The following CTXND1 variants were observed in gnomAD, a reference collection of about 807,000 sequenced individuals.
CTXND1 encodes cortexin domain containing 1.
chr15:80,233,721 G>C (rs1048965677), intron 1 of CTXND1, among the ~76,000 whole-genome samples: 2 of 152,176 alleles, frequency 1.3e-5, no homozygotes, highest in African/African-American at 4.8e-5. Context: ...GACAAACAAA[G>C]GCAACCTGCA....
intron 1 of CTXND1, among the ~76,000 whole-genome samples, chr15:80,204,207 C>CAGATAT (rs199817313): frequency 1.9e-5 from 1 of 52,876 alleles, no homozygotes; most frequent in Non-Finnish European, 3.4e-5. Flanking sequence ...TATACACAAA[C>CAGATAT]ACATACACAC....
At position 80,198,098 on chromosome 15, in the gene CTXND1, C is replaced by G. The variant is rs1419685950; in HGVS notation, c.*3672G>C. On this transcript the variant is annotated 3_prime_UTR_variant, in exon 3 of 3. Transcript: ENST00000560778. ...TTGGTTCTGCATATTTCTGCTACCC[C>G]ACTTGTCTCTGGGACTGTTGGCCCC... The G allele has an allele frequency of 6.6e-6, 1 of 152,222 alleles. No individual in the cohort carries two copies. Among genetic ancestry groups the G allele is most frequent in the Admixed American group, 6.5e-5 (1 of 15,280 alleles). The allele number at this position is 152,222 out of a possible 1,614,324, so 9.4% of individuals were successfully genotyped here.
intron 1 of CTXND1, among the ~76,000 whole-genome samples, chr15:80,218,402 G>T (rs1437127540): frequency 6.6e-6 from 1 of 152,154 alleles, no homozygotes; most frequent in Admixed American, 6.5e-5. Context: ...GCCTCCTAAA[G>T]TGCTGGGATT....
At chr15:80,212,888 A>C (rs1237711906) in intron 1 of CTXND1, among the ~76,000 whole-genome samples, 1 of 152,220 alleles carries the variant, frequency 6.6e-6, no homozygotes, top group African/African-American at 2.4e-5. Flanking sequence ...AAAAGGGAGG[A>C]TGACTCTGAG....
intron 1 of CTXND1, among the ~76,000 whole-genome samples, chr15:80,223,138 G>C (rs1265487601): frequency 6.6e-6 from 1 of 152,052 alleles, no homozygotes; most frequent in Non-Finnish European, 1.5e-5. Context: ...GAATCCAATG[G>C]CGCGCTCTCG....
At chr15:80,240,863 A>G (rs545295293) in intron 1 of CTXND1, among the ~76,000 whole-genome samples, 58 of 152,244 alleles carry the variant, frequency 3.8e-4, no homozygotes, top group African/African-American at 1.3e-3. Context: ...AAGCATCCGG[A>G]TATCCTGGTA....
At chr15:80,220,912 A>ATT (rs68162303) in intron 1 of CTXND1, among the ~76,000 whole-genome samples, 2 of 141,616 alleles carry the variant, frequency 1.4e-5, no homozygotes, top group South Asian at 2.3e-4. Flanking sequence ...TATTATTATT[A>ATT]TTTTTTTTTT....
Position 80,231,672 on chromosome 15 carries a change from T to C in CTXND1, c.-218+20335A>G, listed in dbSNP as rs775864127. ...GGACTATTCCTGTGGCCTTTTTTTC[T>C]ACATGCCTCCTGTAACAGTCTGATC... is the stretch of plus-strand genomic sequence containing the variant. On this transcript the variant is annotated intron_variant, in intron 1 of 2. Coordinates refer to ENST00000560778, the MANE Select transcript of CTXND1 (RefSeq NM_001352888.2). 3.3e-5 allele frequency among the ~76,000 whole-genome samples: 5 copies of C among 152,332 alleles called. No individual in the cohort carries two copies. The South Asian group carries it at 6.2e-4, about 19-fold the overall frequency.
At chr15:80,214,342 T>C (rs991484963) in intron 1 of CTXND1, among the ~76,000 whole-genome samples, 5 of 152,180 alleles carry the variant, frequency 3.3e-5, no homozygotes, top group Non-Finnish European at 7.4e-5. Context: ...GCTGAATAAA[T>C]GTTTTTATTA....
At chr15:80,238,419 A>G (rs1160375636) in intron 1 of CTXND1, among the ~76,000 whole-genome samples, 1 of 151,922 alleles carries the variant, frequency 6.6e-6, no homozygotes, top group Non-Finnish European at 1.5e-5. Flanking sequence ...TTAAACATGT[A>G]GAAACCATTC....
chr15:80,244,880 A>G (rs1325986593), intron 1 of CTXND1, among the ~76,000 whole-genome samples: 1 of 152,146 alleles, frequency 6.6e-6, no homozygotes, highest in African/African-American at 2.4e-5. Context: ...GCATTCCAAC[A>G]GCCTCCAGTG....
intron 1 of CTXND1, among the ~76,000 whole-genome samples, chr15:80,240,539 T>C (rs1423715786): frequency 6.6e-6 from 1 of 152,184 alleles, no homozygotes; most frequent in Non-Finnish European, 1.5e-5. Flanking sequence ...AATAAAAAGC[T>C]GTTAGCAATG....
chr15:80,237,291 C>T (rs139981347), intron 1 of CTXND1, among the ~76,000 whole-genome samples: 476 of 145,190 alleles, frequency 3.3e-3, no homozygotes, highest in Non-Finnish European at 5.5e-3. Flanking sequence ...GCCAAGATCG[C>T]GCCACTGCAC....
intron 1 of CTXND1, among the ~76,000 whole-genome samples, chr15:80,231,175 G>A (rs1184903069): frequency 1.3e-5 from 2 of 151,338 alleles, no homozygotes; most frequent in African/African-American, 2.4e-5. Flanking sequence ...GAGCCTGACC[G>A]CTGCTTCTCT....
In CTXND1 at chr15:80,195,998, A is replaced by T. The variant is rs1363606310; in HGVS notation, c.*5772T>A. On this transcript the variant is annotated 3_prime_UTR_variant, in exon 3 of 3. Transcript: ENST00000560778. ...AGAAAGAGATCACTGCACTGTCAGGATGGTTAACCCCAATATCCAAGGGAA... is the reference window on the plus strand; with the variant it reads ...AGAAAGAGATCACTGCACTGTCAGGTTGGTTAACCCCAATATCCAAGGGAA... The T allele has an allele frequency of 6.6e-6, 1 of 152,148 alleles. No homozygotes were observed. The highest frequency in any genetic ancestry group is 2.4e-5 in the African/African-American group (1 of 41,428). 9.4% of individuals were successfully genotyped at this position (152,148 alleles called of 1,614,324 possible).
intron 1 of CTXND1, among the ~76,000 whole-genome samples, chr15:80,221,502 G>C (rs1444534605): frequency 2.0e-5 from 3 of 152,188 alleles, no homozygotes; most frequent in African/African-American, 7.2e-5. Context: ...AGGATCACTA[G>C]AGCCGAGGTG....
At chr15:80,238,175 G>T (rs757952430) in intron 1 of CTXND1, among the ~76,000 whole-genome samples, 2 of 151,980 alleles carry the variant, frequency 1.3e-5, no homozygotes, top group Non-Finnish European at 2.9e-5. Context: ...AATGTCCTAG[G>T]CCAAACTCAC....
chr15:80,211,170 C>T (rs1893200673), intron 1 of CTXND1, among the ~76,000 whole-genome samples: 1 of 152,190 alleles, frequency 6.6e-6, no homozygotes, highest in Non-Finnish European at 1.5e-5. Flanking sequence ...ACAGTAAATG[C>T]CAGAAGGTGA....
intron 1 of CTXND1, among the ~76,000 whole-genome samples, chr15:80,215,268 G>A (rs1005143243): frequency 6.6e-6 from 1 of 152,172 alleles, no homozygotes; most frequent in Non-Finnish European, 1.5e-5. Flanking sequence ...GAGAGCTGGG[G>A]GAATCGTGTT....
Sources: gnomAD v4.1 joint callset for allele counts (sites outside exome capture counted in the v4.1 genomes callset) on GRCh38, gnomAD v4.1.1 for gene constraint, MANE v1.5 for transcripts, NCBI Gene and HGNC (gene_info 2026-07-23, HGNC 2026-07-21) for gene names.